The following ELOVL6 variants were observed in gnomAD, a reference collection of about 807,000 sequenced individuals.
ELOVL6 encodes the protein ELOVL fatty acid elongase 6.
Under a neutral mutation model 31.7 loss-of-function variants are expected in ELOVL6, and 8 were observed. That is an observed-to-expected ratio of 0.25 (90% CI 0.15 to 0.45). The LOEUF (loss-of-function observed/expected upper bound fraction) is 0.45. Ranked by LOEUF, ELOVL6 falls within the 20% of genes least tolerant of loss-of-function variation. The probability of loss-of-function intolerance (pLI) is 1.00; values close to 1 mark genes in which losing one functional copy is unlikely to be tolerated. For synonymous variants in ELOVL6, 101 were observed against 117.7 expected, an observed-to-expected ratio of 0.86 and a Z score of 0.92; for missense variants, 126 against 326.4, an observed-to-expected ratio of 0.39 and a Z score of 4.73.
intron 2 of ELOVL6, among the ~76,000 whole-genome samples, chr4:110,085,772 G>A (rs1756246316): frequency 6.6e-6 from 1 of 152,164 alleles, no homozygotes; most frequent in Admixed American, 6.5e-5. Context: ...GGAGTGCAGT[G>A]GTGTGATCTT....
At chr4:110,191,708 G>T (rs1027853385) in intron 1 of ELOVL6, among the ~76,000 whole-genome samples, 5 of 152,100 alleles carry the variant, frequency 3.3e-5, no homozygotes, top group African/African-American at 1.2e-4. Flanking sequence ...TAGATGGGGG[G>T]CCGGGCACCT....
intron 2 of ELOVL6, among the ~76,000 whole-genome samples, chr4:110,078,147 C>A (rs989862524): frequency 6.6e-6 from 1 of 152,172 alleles, no homozygotes; most frequent in African/African-American, 2.4e-5. Context: ...AGAATGGAAC[C>A]AAGTTGGAAA....
chr4:110,078,655 T>C (rs552939012), intron 2 of ELOVL6, among the ~76,000 whole-genome samples: 2 of 152,266 alleles, frequency 1.3e-5, no homozygotes, highest in East Asian at 3.9e-4. Context: ...GTAAAGACCA[T>C]TGAGGCTAGG....
chr4:110,147,961 A>G (rs1003576397), intron 1 of ELOVL6, among the ~76,000 whole-genome samples: 11 of 152,280 alleles, frequency 7.2e-5, no homozygotes, highest in African/African-American at 2.6e-4. Flanking sequence ...CTAAATACAA[A>G]AAATTAGCTG....
intron 1 of ELOVL6, among the ~76,000 whole-genome samples, chr4:110,142,481 G>A (rs1757992909): frequency 6.6e-6 from 1 of 152,104 alleles, no homozygotes; most frequent in African/African-American, 2.4e-5. Flanking sequence ...ATCTATCCCT[G>A]TCTAAACTGT....
intron 1 of ELOVL6, among the ~76,000 whole-genome samples, chr4:110,166,404 A>G (rs969065478): frequency 3.9e-5 from 6 of 152,114 alleles, no homozygotes; most frequent in Non-Finnish European, 7.4e-5. Flanking sequence ...CGAGGTCAAG[A>G]GATCGAGACC....
chr4:110,124,941 T>G lies in ELOVL6; in HGVS notation c.90-19313A>C, dbSNP rs142331035. Among the ~76,000 whole-genome samples the G allele has an allele frequency of 8.2e-3, 1,247 of 152,298 alleles. 16 individuals carry two copies. Among genetic ancestry groups the G allele is most frequent in the Non-Finnish European group, 7.6e-3 (515 of 68,020 alleles). Reference sequence around the variant, plus strand: ...CAAGGACAAAAAATAGGCTTTCAATTTTCATCATGAGTCAGCAGTGAAGGA... The same window carrying G: ...CAAGGACAAAAAATAGGCTTTCAATGTTCATCATGAGTCAGCAGTGAAGGA... On this transcript the variant is annotated intron_variant, in intron 1 of 3. Coordinates refer to ENST00000302274, the MANE Select transcript of ELOVL6 (RefSeq NM_024090.3).
At chr4:110,123,640 T>A (rs1199744507) in intron 1 of ELOVL6, among the ~76,000 whole-genome samples, 1 of 152,102 alleles carries the variant, frequency 6.6e-6, no homozygotes, top group African/African-American at 2.4e-5. Context: ...GGAAGGTGGA[T>A]GTGAGCCAAG....
At chr4:110,185,044 G>A (rs564790953) in intron 1 of ELOVL6, among the ~76,000 whole-genome samples, 36 of 152,188 alleles carry the variant, frequency 2.4e-4, no homozygotes, top group African/African-American at 7.9e-4. Context: ...TCAATACCTG[G>A]GTAAGGATCA....
intron 1 of ELOVL6, among the ~76,000 whole-genome samples, chr4:110,167,465 G>T (rs1344763701): frequency 1.3e-5 from 2 of 151,994 alleles, no homozygotes; most frequent in African/African-American, 4.8e-5. Context: ...TAGTTTTAAT[G>T]GTTACATAAG....
chr4:110,170,557 C>A lies in ELOVL6; in HGVS notation c.89+27690G>T, dbSNP rs995439207. Reference sequence around the variant, plus strand: ...TCTGCTTCTTTTTTGGACTCTCATTCTCTAAACAAATGTCCTTTTTGCAGT... The same window carrying A: ...TCTGCTTCTTTTTTGGACTCTCATTATCTAAACAAATGTCCTTTTTGCAGT... On this transcript the variant is annotated intron_variant, in intron 1 of 3. Transcript: ENST00000302274. 3.3e-5 allele frequency among the ~76,000 whole-genome samples: 5 copies of A among 152,336 alleles called. 1 individual carries two copies. Among genetic ancestry groups the A allele is most frequent in the Admixed American group, 3.3e-4 (5 of 15,300 alleles).
rs1759880505 is a variant in ELOVL6, at chr4:110,198,302, C to A, written c.34G>T (p.Glu12Ter). 6.2e-7 allele frequency: 1 copy of A among 1,612,060 alleles called. No homozygotes were observed. Among genetic ancestry groups the A allele is most frequent in the Non-Finnish European group, 8.5e-7 (1 of 1,178,284 alleles). Residue 12 changes from glutamate (E) to a stop codon, truncating the protein, a stop_gained, in exon 1 of 4, where the codon GAA becomes TAA. Coordinates refer to ENST00000302274, the MANE Select transcript of ELOVL6 (RefSeq NM_024090.3). LOFTEE classifies it high-confidence loss of function. ...TTCTCGTTGAACTGCTTTTCGAATTCATATTCTTGTAAAGTCAACACTGAC... is the reference window on the plus strand; with the variant it reads ...TTCTCGTTGAACTGCTTTTCGAATTAATATTCTTGTAAAGTCAACACTGAC... ...NMSVLTLQEY[E>*]FEKQFNENEA...
At position 110,047,947 on chromosome 4, in the gene ELOVL6, T is replaced by C. The variant is rs974140857; in HGVS notation, c.*3391A>G. On this transcript the variant is annotated 3_prime_UTR_variant, in exon 4 of 4. Transcript: ENST00000302274. ...TTCTGTGGGTCTCTTTCTGTTCTTC[T>C]AGGTTCCCACTGTCTTTCCCATCAA... The C allele has an allele frequency of 6.6e-6, 1 of 151,426 alleles. No homozygotes were observed. The highest frequency in any genetic ancestry group is 1.5e-5 in the Non-Finnish European group (1 of 67,888). The allele number at this position is 151,426 out of a possible 1,614,324, so 9.4% of individuals were successfully genotyped here. A position where few individuals can be genotyped will look rare whatever the true frequency, so the allele number is the denominator to read the frequency against.
In ELOVL6 at chr4:110,083,558, T is replaced by C. The variant is rs759780196; in HGVS notation, c.221+21939A>G. 1.3e-4 allele frequency among the ~76,000 whole-genome samples: 19 copies of C among 151,714 alleles called. 1 individual carries two copies. Among genetic ancestry groups the C allele is most frequent in the Non-Finnish European group, 1.8e-4 (12 of 68,042 alleles). On this transcript the variant is annotated intron_variant, in intron 2 of 3. Coordinates refer to ENST00000302274, the MANE Select transcript of ELOVL6 (RefSeq NM_024090.3). ...CCTGACACAGAGATAGTAATAATTA[T>C]ACAATTCATTTTATTCTAACTGCAC... is the stretch of plus-strand genomic sequence containing the variant.
chr4:110,084,586 ATATTTTTTTTTTT>A (rs747844192), intron 2 of ELOVL6, among the ~76,000 whole-genome samples: 1,233 of 39,496 alleles, frequency 0.031, 43 homozygotes, highest in East Asian at 0.15. Context: ...ATATATATAT[ATATTTTTTTTTTT>A]TTTTTTTTTT....
rs893339272 is a variant in ELOVL6 at position 110,048,369 on chromosome 4, C to T, written c.*2969G>A. ...CATGGACTTGGCTTGATGCTCAGAC[C>T]TAGTGTATGAAATCATGTGTGTATG... On this transcript the variant is annotated 3_prime_UTR_variant, in exon 4 of 4. Transcript: ENST00000302274. 1 of 152,150 alleles carries T rather than the reference C, an allele frequency of 6.6e-6. No individual in the cohort carries two copies. Among genetic ancestry groups the T allele is most frequent in the Admixed American group, 6.5e-5 (1 of 15,278 alleles). The allele number at this position is 152,150 out of a possible 1,614,324, so 9.4% of individuals were successfully genotyped here.
chr4:110,176,256 A>C (rs1198339231), intron 1 of ELOVL6, among the ~76,000 whole-genome samples: 2 of 151,984 alleles, frequency 1.3e-5, no homozygotes, highest in African/African-American at 4.8e-5. Context: ...TCCACCTCCC[A>C]GGTTCAAGTG....
At chr4:110,176,435 C>G (rs999959476) in intron 1 of ELOVL6, among the ~76,000 whole-genome samples, 3 of 152,182 alleles carry the variant, frequency 2.0e-5, no homozygotes, top group African/African-American at 4.8e-5. Context: ...GCTGAGATTA[C>G]AGGCATGAGC....
At chr4:110,155,952 T>G (rs1283764849) in intron 1 of ELOVL6, among the ~76,000 whole-genome samples, 1 of 152,214 alleles carries the variant, frequency 6.6e-6, no homozygotes, top group Non-Finnish European at 1.5e-5. Flanking sequence ...CAAGGCAGTA[T>G]AGGAATAATA....
Sources: allele counts gnomAD v4.1 joint callset (sites outside exome capture counted in the v4.1 genomes callset), GRCh38; gene constraint gnomAD v4.1.1; transcripts MANE v1.5; gene names NCBI Gene and HGNC (gene_info 2026-07-23, HGNC 2026-07-21).